Variants in PAWR observed in about 807,000 individuals in gnomAD.
PAWR encodes the protein PRKC apoptosis WT1 regulator protein.
PAWR carries 23 observed loss-of-function variants against 32.0 expected under a neutral mutation model. The observed-to-expected ratio is 0.72, with a 90% confidence interval of 0.52 to 1.02. The LOEUF is 1.02. PAWR is among the 50% of genes least tolerant of loss of function. PAWR has a pLI of 0.00. For missense variants in PAWR, 457 were observed against 437.7 expected (o/e 1.04, Z -0.39); for synonymous variants, 226 against 187.1 (o/e 1.21, Z -1.70).
chr12:79,604,501 T>C (rs1874090814), intron 4 of PAWR: 14 of 1,149,766 alleles, frequency 1.2e-5, no homozygotes, highest in Non-Finnish European at 1.5e-5. Context: ...TTATAAAGCT[T>C]AGCAATGAGA....
chr12:79,606,090 C>A (rs1314928608), intron 4 of PAWR, among the ~76,000 whole-genome samples: 4 of 151,840 alleles, frequency 2.6e-5, no homozygotes, highest in African/African-American at 7.3e-5. Flanking sequence ...AACAAACAAA[C>A]AAAAAAACCC....
At chr12:79,648,247 TA>T (rs1368978441) in intron 2 of PAWR, among the ~76,000 whole-genome samples, 2 of 152,190 alleles carry the variant, frequency 1.3e-5, no homozygotes, top group Non-Finnish European at 2.9e-5. Context: ...AGATGGTCAA[TA>T]AATTAGATTT....
In PAWR at chr12:79,689,829, C is replaced by T; in HGVS notation, c.416G>A (p.Ser139Asn). Residue 139 changes from serine (S) to asparagine (N), a missense_variant, in exon 2 of 7, where the codon AGC becomes AAC. Physicochemically the swap from Ser to Asn is conservative, Grantham distance 46. Coordinates refer to ENST00000328827, the MANE Select transcript of PAWR (RefSeq NM_002583.4). ...GCCTTTCCTGGCACTGGGGCCCGAG[C>T]TCTTGCCCTTCTCTGGGACGCCGTC... ...EPDGVPEKGK[S>N]SGPSARKGKG... 6.3e-7 allele frequency: 1 copy of T among 1,593,988 alleles called. No homozygotes were observed. The highest frequency in any genetic ancestry group is 8.5e-7 in the Non-Finnish European group (1 of 1,171,334).
At chr12:79,614,683 G>A (rs577328625) in intron 3 of PAWR, among the ~76,000 whole-genome samples, 1 of 152,252 alleles carries the variant, frequency 6.6e-6, no homozygotes, top group East Asian at 1.9e-4. Flanking sequence ...TAATCATTAA[G>A]TTGCCAAGAG....
At chr12:79,677,263 T>C (rs1297157642) in intron 2 of PAWR, among the ~76,000 whole-genome samples, 2 of 152,226 alleles carry the variant, frequency 1.3e-5, no homozygotes, top group Non-Finnish European at 2.9e-5. Context: ...AACAAAAATG[T>C]TGTAACAATA....
At chr12:79,607,437 G>A (rs530158262) in intron 4 of PAWR, among the ~76,000 whole-genome samples, 1 of 152,130 alleles carries the variant, frequency 6.6e-6, no homozygotes, top group South Asian at 2.1e-4. Flanking sequence ...AAAGAATCTG[G>A]CTGATTTCTG....
At chr12:79,613,508 G>C (rs978524769) in intron 4 of PAWR, 67 bp downstream of exon 4, 1 of 813,790 alleles carries the variant, frequency 1.2e-6, no homozygotes, top group African/African-American at 1.7e-5. Flanking sequence ...AATAGTTCTA[G>C]TTAAGTCAAT....
At chr12:79,638,327 T>A (rs1876066298) in intron 2 of PAWR, among the ~76,000 whole-genome samples, 1 of 152,180 alleles carries the variant, frequency 6.6e-6, no homozygotes, top group African/African-American at 2.4e-5. Context: ...TCTTCACTGA[T>A]GTTGTCTGTC....
At chr12:79,657,520 G>A (rs532771940) in intron 2 of PAWR, among the ~76,000 whole-genome samples, 3 of 152,248 alleles carry the variant, frequency 2.0e-5, no homozygotes, top group African/African-American at 4.8e-5. Flanking sequence ...AGGGCCGCGC[G>A]GTGGCTCACG....
intron 4 of PAWR, among the ~76,000 whole-genome samples, chr12:79,607,761 T>C (rs926679048): frequency 1.3e-5 from 2 of 148,682 alleles, no homozygotes; most frequent in African/African-American, 4.9e-5. Context: ...ATAATAATAA[T>C]AATCTGGCTG....
intron 2 of PAWR, among the ~76,000 whole-genome samples, chr12:79,661,248 C>CAA (rs397967995): frequency 0.021 from 1,486 of 71,210 alleles, 57 homozygotes; most frequent in African/African-American, 0.053. Flanking sequence ...GACTCTGTCT[C>CAA]AAAAAAAAAA....
intron 2 of PAWR, among the ~76,000 whole-genome samples, chr12:79,646,890 C>T (rs1421028435): frequency 6.6e-6 from 1 of 151,948 alleles, no homozygotes; most frequent in Non-Finnish European, 1.5e-5. Flanking sequence ...TTAACATAGG[C>T]ATTTTGGCCG....
At chr12:79,658,472 AT>A (rs1417708680) in intron 2 of PAWR, among the ~76,000 whole-genome samples, 3 of 152,076 alleles carry the variant, frequency 2.0e-5, no homozygotes, top group African/African-American at 4.8e-5. Flanking sequence ...GAGAAAAAAG[AT>A]TTTTTTGCCT....
chr12:79,633,188 CA>C (rs1875797373), intron 2 of PAWR, among the ~76,000 whole-genome samples: 1 of 151,770 alleles, frequency 6.6e-6, no homozygotes. Flanking sequence ...TTTTGCTATT[CA>C]AAAAATAGTT....
At chr12:79,629,358 A>T (rs1157927944) in intron 2 of PAWR, among the ~76,000 whole-genome samples, 1 of 152,172 alleles carries the variant, frequency 6.6e-6, no homozygotes, top group Non-Finnish European at 1.5e-5. Context: ...ATCGAAGTAG[A>T]TTACACAATA....
intron 2 of PAWR, among the ~76,000 whole-genome samples, chr12:79,646,811 T>C (rs1442150098): frequency 6.6e-6 from 1 of 152,194 alleles, no homozygotes; most frequent in Non-Finnish European, 1.5e-5. Flanking sequence ...ATAGCTAGTA[T>C]ATAGAACCTG....
chr12:79,670,692 A>G (rs1877847855), intron 2 of PAWR, among the ~76,000 whole-genome samples: 1 of 152,162 alleles, frequency 6.6e-6, no homozygotes, highest in African/African-American at 2.4e-5. Flanking sequence ...TTATCAATAG[A>G]TACTCTCTAG....
At position 79,690,110 on chromosome 12, in the gene PAWR, G is replaced by GCCC; in HGVS notation, c.132_134dup (p.Gly45dup). The GCCC allele has an allele frequency of 6.7e-7, 1 of 1,494,938 alleles. No individual in the cohort carries two copies. The highest frequency in any genetic ancestry group is 8.9e-7 in the Non-Finnish European group (1 of 1,126,276). 92.6% of individuals were successfully genotyped at this position (1,494,938 alleles called of 1,614,324 possible). A position where few individuals can be genotyped will look rare whatever the true frequency, so the allele number is the denominator to read the frequency against. Reference sequence around the variant, plus strand: ...GGGGCTTCCCAGCGGCGTCGCTGCTGCCCCCTCCCGGGGGGGCCGGGCCCG... The same window carrying GCCC: ...GGGGCTTCCCAGCGGCGTCGCTGCTGCCCCCCCCTCCCGGGGGGGCCGGGCCCG... On this transcript the variant is annotated inframe_insertion, in exon 2 of 7. Coordinates refer to ENST00000328827, the MANE Select transcript of PAWR (RefSeq NM_002583.4).
rs2136664529 is a variant in PAWR, at chr12:79,586,297, T to G, written c.*6310A>C. 1 of 152,792 alleles carries G rather than the reference T, an allele frequency of 6.5e-6. No homozygotes were observed. The highest frequency in any genetic ancestry group is 1.5e-5 in the Non-Finnish European group (1 of 68,030). 9.5% of individuals were successfully genotyped at this position (152,792 alleles called of 1,614,324 possible). On this transcript the variant is annotated 3_prime_UTR_variant, in exon 7 of 7. Transcript: ENST00000328827. ...TGAATGTATTCTTACCAATCATGATTTACGTTTTTCAAATGTGGATTTCTT... is the reference window on the plus strand; with the variant it reads ...TGAATGTATTCTTACCAATCATGATGTACGTTTTTCAAATGTGGATTTCTT...
Sources: gnomAD v4.1 joint callset for allele counts (sites outside exome capture counted in the v4.1 genomes callset) on GRCh38, gnomAD v4.1.1 for gene constraint, MANE v1.5 for transcripts, NCBI Gene and HGNC (gene_info 2026-07-23, HGNC 2026-07-21) for gene names.